IPCEF1: variants seen among roughly 807,000 people sequenced by gnomAD.
The protein encoded by IPCEF1 is interaction protein for cytohesin exchange factors 1, also known as interactor protein for cytohesin exchange factors 1.
In IPCEF1, 31 loss-of-function variants were observed where a neutral mutation model predicts 50.9. The ratio of observed to expected loss-of-function variants is 0.61; its 90% CI spans 0.46 to 0.82. The LOEUF is 0.82. Ranked by LOEUF, IPCEF1 falls within the 40% of genes least tolerant of loss-of-function variation. The pLI is 0.00. For missense variants in IPCEF1, 458 were observed against 514.0 expected (o/e 0.89, Z 1.05); for synonymous variants, 181 against 192.0 (o/e 0.94, Z 0.47).
chr6:154,199,645 G>A, intron 10 of IPCEF1, 23 bp downstream of exon 10: 1 of 1,560,768 alleles, frequency 6.4e-7, no homozygotes, highest in Non-Finnish European at 8.7e-7. Flanking sequence ...CTCTAACGAA[G>A]AATAAATAAT....
chr6:154,256,463 A>G (rs980374663), intron 3 of IPCEF1, among the ~76,000 whole-genome samples: 1 of 151,942 alleles, frequency 6.6e-6, no homozygotes, highest in Non-Finnish European at 1.5e-5. Context: ...GCAAGTGAAA[A>G]AGTTTTATGT....
At chr6:154,237,003 A>G in intron 5 of IPCEF1, among the ~76,000 whole-genome samples, 1 of 152,166 alleles carries the variant, frequency 6.6e-6, no homozygotes, top group Non-Finnish European at 1.5e-5. Context: ...TTTCCTCTCT[A>G]TGGTTTCCTT....
chr6:154,246,787 T>G (rs1244878322), intron 4 of IPCEF1, 27 bp from the exon 5 acceptor site: 2 of 1,611,806 alleles, frequency 1.2e-6, no homozygotes, highest in Admixed American at 3.4e-5. Context: ...AAGAGGTAGA[T>G]AATGTATTAC....
intron 1 of IPCEF1, among the ~76,000 whole-genome samples, chr6:154,344,432 C>A (rs750777108): frequency 2.6e-5 from 4 of 152,162 alleles, no homozygotes; most frequent in Non-Finnish European, 4.4e-5. Context: ...TGAAAAATCT[C>A]ATTCACACAC....
At chr6:154,178,196 A>T (rs773300774) in intron 10 of IPCEF1, among the ~76,000 whole-genome samples, 1 of 152,150 alleles carries the variant, frequency 6.6e-6, no homozygotes, top group Non-Finnish European at 1.5e-5. Context: ...GTAAATGATG[A>T]GTTGATGGCT....
intron 1 of IPCEF1, among the ~76,000 whole-genome samples, chr6:154,348,120 C>T (rs1040096032): frequency 6.6e-6 from 1 of 152,142 alleles, no homozygotes; most frequent in African/African-American, 2.4e-5. Flanking sequence ...GGGACTCCAG[C>T]GTTCCTCTCA....
chr6:154,201,887 T>G (rs1354973207), intron 9 of IPCEF1, among the ~76,000 whole-genome samples: 1 of 151,990 alleles, frequency 6.6e-6, no homozygotes, highest in Non-Finnish European at 1.5e-5. Context: ...AGAGTGAGGC[T>G]CCATCTCAAA....
chr6:154,343,721 G>T (rs547367270), intron 1 of IPCEF1, among the ~76,000 whole-genome samples: 1 of 152,340 alleles, frequency 6.6e-6, no homozygotes, highest in South Asian at 2.1e-4. Flanking sequence ...GGCAGATAGA[G>T]AGGAAAAGAG....
chr6:154,198,454 A>G (rs559478466), intron 10 of IPCEF1, among the ~76,000 whole-genome samples: 15 of 152,232 alleles, frequency 9.9e-5, no homozygotes, highest in African/African-American at 3.6e-4. Context: ...AGTTCTTCTA[A>G]TCTAGATAGT....
chr6:154,294,806 A>G (rs887299601), intron 1 of IPCEF1, among the ~76,000 whole-genome samples: 1 of 151,970 alleles, frequency 6.6e-6, no homozygotes. Flanking sequence ...TAGCTGAACT[A>G]AGGAGAAAGT....
chr6:154,183,860 A>C (rs1055411568), intron 10 of IPCEF1, among the ~76,000 whole-genome samples: 68 of 152,288 alleles, frequency 4.5e-4, no homozygotes, highest in African/African-American at 1.6e-3. Flanking sequence ...ACTGCACTCC[A>C]GCCTGGGTAA....
intron 9 of IPCEF1, among the ~76,000 whole-genome samples, chr6:154,209,037 T>G (rs1276560122): frequency 6.6e-6 from 1 of 152,224 alleles, no homozygotes; most frequent in Admixed American, 6.5e-5. Flanking sequence ...CCTGACATGT[T>G]CTTTATTATC....
intron 4 of IPCEF1, 174 bp from the exon 5 acceptor site, chr6:154,246,934 G>GAAAA: frequency 6.7e-6 from 1 of 148,194 alleles, no homozygotes; most frequent in Non-Finnish European, 9.9e-6. Context: ...CAAAACCAAT[G>GAAAA]CAAAAAAAAA....
chr6:154,323,486 A>G (rs1429227486), intron 1 of IPCEF1, among the ~76,000 whole-genome samples: 1 of 152,338 alleles, frequency 6.6e-6, no homozygotes, highest in South Asian at 2.1e-4. Context: ...ACGTTTATTT[A>G]GTATTTAGAA....
chr6:154,277,737 C>T (rs1359988002), intron 2 of IPCEF1, among the ~76,000 whole-genome samples: 1 of 152,238 alleles, frequency 6.6e-6, no homozygotes, highest in East Asian at 1.9e-4. Flanking sequence ...CACTTTACTT[C>T]ACCTTTCCCT....
At chr6:154,196,894 T>G (rs1181385584) in intron 10 of IPCEF1, among the ~76,000 whole-genome samples, 1 of 152,230 alleles carries the variant, frequency 6.6e-6, no homozygotes, top group Non-Finnish European at 1.5e-5. Flanking sequence ...ACAGAGTATT[T>G]AAATTCAGCA....
chr6:154,173,175 C>T (rs1470924816), intron 10 of IPCEF1, among the ~76,000 whole-genome samples: 1 of 152,160 alleles, frequency 6.6e-6, no homozygotes, highest in Non-Finnish European at 1.5e-5. Context: ...TCACCAACAC[C>T]TAAGACCAAA....
At chr6:154,229,412 C>T (rs1225922900) in intron 5 of IPCEF1, among the ~76,000 whole-genome samples, 3 of 144,906 alleles carry the variant, frequency 2.1e-5, no homozygotes, top group East Asian at 2.1e-4. Flanking sequence ...TGCAGTGGCG[C>T]GATCTTGGCT....
intron 5 of IPCEF1, among the ~76,000 whole-genome samples, chr6:154,227,031 T>C (rs1207804171): frequency 6.6e-6 from 1 of 151,968 alleles, no homozygotes; most frequent in Non-Finnish European, 1.5e-5. Flanking sequence ...ACTCTATCTC[T>C]ACTAAAAATT....
Sources: allele counts gnomAD v4.1 joint callset (sites outside exome capture counted in the v4.1 genomes callset), GRCh38; gene constraint gnomAD v4.1.1; transcripts MANE v1.5; gene names NCBI Gene and HGNC (gene_info 2026-07-23, HGNC 2026-07-21).